Variants in ST7 observed in about 807,000 individuals in gnomAD.
ST7 encodes the protein suppression of tumorigenicity 7.
ST7 carries 28 observed loss-of-function variants against 78.7 expected under a neutral mutation model. The ratio of observed to expected loss-of-function variants is 0.36; its 90% CI spans 0.26 to 0.49. The LOEUF (loss-of-function observed/expected upper bound fraction) is 0.49. Ranked by LOEUF, ST7 falls within the 20% of genes least tolerant of loss-of-function variation. ST7 has a pLI of 0.99. For missense variants in ST7, 418 were observed against 696.0 expected (o/e 0.60, Z 4.49); for synonymous variants, 247 against 249.6 (o/e 0.99, Z 0.10).
At chr7:116,996,402 C>A (rs1467325475) in intron 1 of ST7, among the ~76,000 whole-genome samples, 1 of 152,164 alleles carries the variant, frequency 6.6e-6, no homozygotes, top group Non-Finnish European at 1.5e-5. Context: ...ATGTTCAATA[C>A]TTGTCACATC....
intron 1 of ST7, chr7:116,972,273 C>T (rs1455462590): frequency 1.4e-5 from 8 of 558,192 alleles, no homozygotes; most frequent in Non-Finnish European, 2.0e-5. Flanking sequence ...TTGTATTTTC[C>T]AGCTTGGCTA....
intron 2 of ST7, among the ~76,000 whole-genome samples, chr7:117,111,943 T>C (rs541849108): frequency 6.6e-6 from 1 of 152,326 alleles, no homozygotes; most frequent in African/African-American, 2.4e-5. Flanking sequence ...GTATGTTGCA[T>C]TGACATTTAT....
chr7:117,226,501 C>T (rs944138507), intron 15 of ST7, among the ~76,000 whole-genome samples: 1 of 152,130 alleles, frequency 6.6e-6, no homozygotes, highest in Admixed American at 6.5e-5. Context: ...GCTGTTTCTC[C>T]TTCTATATTG....
Position 117,182,368 on chromosome 7 carries a change from G to A in ST7, c.1079-6953G>A, listed in dbSNP as rs6963570. 2.3e-3 allele frequency among the ~76,000 whole-genome samples: 347 copies of A among 152,314 alleles called. 2 individuals carry two copies. The highest frequency in any genetic ancestry group is 8.1e-3 in the African/African-American group (337 of 41,580). Reference sequence around the variant, plus strand: ...AATGGTCATTTAGGGAAGAAGATATGGAGGGAGCAAAGCTGTGCATGGTAG... The same window carrying A: ...AATGGTCATTTAGGGAAGAAGATATAGAGGGAGCAAAGCTGTGCATGGTAG... On this transcript the variant is annotated intron_variant, in intron 10 of 15. Transcript: ENST00000323984.
intron 9 of ST7, among the ~76,000 whole-genome samples, chr7:117,154,860 C>A (rs1806565635): frequency 6.6e-6 from 1 of 151,574 alleles, no homozygotes; most frequent in South Asian, 2.1e-4. Flanking sequence ...GAGGAATTGG[C>A]AAGGAAATGG....
At chr7:117,075,268 T>C (rs552183769) in intron 1 of ST7, among the ~76,000 whole-genome samples, 7 of 152,224 alleles carry the variant, frequency 4.6e-5, no homozygotes, top group Non-Finnish European at 1.0e-4. Context: ...CAAAGGTTTA[T>C]TTTTTCTTAT....
intron 1 of ST7, among the ~76,000 whole-genome samples, chr7:117,033,855 C>T (rs1157174007): frequency 6.6e-6 from 1 of 152,208 alleles, no homozygotes; most frequent in Non-Finnish European, 1.5e-5. Flanking sequence ...AGTAGATTAA[C>T]TTCTCTGGCT....
chr7:116,997,741 G>A (rs1585116305), intron 1 of ST7, among the ~76,000 whole-genome samples: 1 of 152,206 alleles, frequency 6.6e-6, no homozygotes, highest in Non-Finnish European at 1.5e-5. Flanking sequence ...GCTGATTGGT[G>A]TATTTACAGG....
At chr7:117,119,480 A>C (rs1249790516) in intron 2 of ST7, 81 bp from the exon 3 acceptor site, 6 of 1,319,518 alleles carry the variant, frequency 4.5e-6, no homozygotes, top group East Asian at 2.6e-5. Context: ...GAATTAGTAA[A>C]TGTAACATGT....
At chr7:117,166,006 T>G (rs1011701202) in intron 9 of ST7, among the ~76,000 whole-genome samples, 4 of 152,164 alleles carry the variant, frequency 2.6e-5, no homozygotes, top group African/African-American at 9.6e-5. Flanking sequence ...ATATCCTGAA[T>G]TCAGTGAGAA....
At chr7:117,105,377 G>T (rs1395760463) in intron 2 of ST7, among the ~76,000 whole-genome samples, 1 of 152,192 alleles carries the variant, frequency 6.6e-6, no homozygotes, top group South Asian at 2.1e-4. Context: ...GACCTCCTGG[G>T]CTCAGGCAAT....
intron 1 of ST7, chr7:117,020,351 A>G: frequency 2.1e-6 from 1 of 472,490 alleles, no homozygotes; most frequent in Non-Finnish European, 3.7e-6. Flanking sequence ...TGCCTAGTGG[A>G]TTTTCAAAAG....
At chr7:117,186,404 C>T (rs977033574) in intron 10 of ST7, among the ~76,000 whole-genome samples, 5 of 152,046 alleles carry the variant, frequency 3.3e-5, no homozygotes, top group South Asian at 4.1e-4. Flanking sequence ...AACTGATGGG[C>T]GGGTAGAATC....
intron 1 of ST7, chr7:116,956,541 G>A: frequency 2.1e-6 from 1 of 471,196 alleles, no homozygotes; most frequent in Non-Finnish European, 4.4e-6. Context: ...CCTCAAGGAA[G>A]CCAAAGACAC....
At chr7:117,095,285 C>T (rs1800941136) in intron 1 of ST7, among the ~76,000 whole-genome samples, 1 of 152,160 alleles carries the variant, frequency 6.6e-6, no homozygotes, top group Non-Finnish European at 1.5e-5. Flanking sequence ...GGGCATGCCA[C>T]GTGATTCCTG....
chr7:117,134,884 TAG>T (rs1035572710), intron 7 of ST7, among the ~76,000 whole-genome samples: 3 of 152,144 alleles, frequency 2.0e-5, no homozygotes, highest in African/African-American at 7.2e-5. Flanking sequence ...TGCCTGAAAT[TAG>T]AGAGACTGGC....
intron 12 of ST7, among the ~76,000 whole-genome samples, chr7:117,192,195 A>G (rs975821554): frequency 2.0e-5 from 3 of 152,270 alleles, no homozygotes; most frequent in African/African-American, 7.2e-5. Context: ...ACTAAAATTT[A>G]AAACTAATCA....
intron 1 of ST7, among the ~76,000 whole-genome samples, chr7:117,075,433 C>A (rs928057009): frequency 6.6e-6 from 1 of 152,126 alleles, no homozygotes; most frequent in Non-Finnish European, 1.5e-5. Context: ...AGTGGCTACA[C>A]GTTTCTTTGC....
At chr7:117,210,199 C>G (rs1792168286) in intron 13 of ST7, among the ~76,000 whole-genome samples, 1 of 152,146 alleles carries the variant, frequency 6.6e-6, no homozygotes, top group Non-Finnish European at 1.5e-5. Flanking sequence ...CAAAGGGGCA[C>G]CTTGTCACCC....
Sources: allele counts gnomAD v4.1 joint callset (sites outside exome capture counted in the v4.1 genomes callset), GRCh38; gene constraint gnomAD v4.1.1; transcripts MANE v1.5; gene names NCBI Gene and HGNC (gene_info 2026-07-23, HGNC 2026-07-21).